PLPPR1: variants seen among roughly 807,000 people sequenced by gnomAD.
PLPPR1 encodes the protein phospholipid phosphatase related 1, also known as phospholipid phosphatase-related protein type 1.
PLPPR1 carries 10 observed loss-of-function variants against 33.1 expected under a neutral mutation model. The ratio of observed to expected loss-of-function variants is 0.30; its 90% CI spans 0.19 to 0.51. PLPPR1 has a LOEUF of 0.51. Ranked by LOEUF, PLPPR1 falls within the 20% of genes least tolerant of loss-of-function variation. PLPPR1 has a pLI of 0.97. For synonymous variants in PLPPR1, 151 were observed against 151.0 expected (o/e 1.00, Z 0.00); for missense variants, 304 against 408.1 (o/e 0.74, Z 2.20).
intron 1 of PLPPR1, among the ~76,000 whole-genome samples, chr9:101,091,502 A>G (rs1028687256): frequency 6.6e-6 from 1 of 152,088 alleles, no homozygotes; most frequent in African/African-American, 2.4e-5. Context: ...AAACCCAGCA[A>G]GTTCAGCCTA....
At chr9:101,205,722 T>C (rs968465071) in intron 2 of PLPPR1, among the ~76,000 whole-genome samples, 17 of 152,216 alleles carry the variant, frequency 1.1e-4, no homozygotes, top group Non-Finnish European at 2.2e-4. Context: ...ATTTATTAAA[T>C]ACCTACTTAT....
At chr9:101,068,899 C>T (rs1564135569) in intron 1 of PLPPR1, among the ~76,000 whole-genome samples, 1 of 152,100 alleles carries the variant, frequency 6.6e-6, no homozygotes. Flanking sequence ...AGGGCTCTGT[C>T]TGCTGAAAGA....
At chr9:101,047,807 C>G (rs74687770) in intron 1 of PLPPR1, among the ~76,000 whole-genome samples, 1 of 152,142 alleles carries the variant, frequency 6.6e-6, no homozygotes, top group Non-Finnish European at 1.5e-5. Context: ...AAACAGTAGT[C>G]TGTTTTGAAT....
At chr9:101,086,952 G>A (rs1049146943) in intron 1 of PLPPR1, among the ~76,000 whole-genome samples, 3 of 152,134 alleles carry the variant, frequency 2.0e-5, no homozygotes, top group African/African-American at 7.2e-5. Flanking sequence ...GCCAAGGAGG[G>A]TGGATCACTT....
intron 2 of PLPPR1, among the ~76,000 whole-genome samples, chr9:101,215,004 C>A: frequency 7.3e-6 from 1 of 136,402 alleles, no homozygotes; most frequent in African/African-American, 2.8e-5. Context: ...GCCTGGGTGA[C>A]AGAGTAAGAC....
rs370089362 is a variant in PLPPR1 at position 101,299,448 on chromosome 9, T to G, written c.386-9763T>G. On this transcript the variant is annotated intron_variant, in intron 4 of 7. Transcript: ENST00000374874. Reference sequence around the variant, plus strand: ...TTGCTTGGGTCTCAAGAAATTGTGATGAGGTTACTTTTGGTTCCTCTGCTC... The same window carrying G: ...TTGCTTGGGTCTCAAGAAATTGTGAGGAGGTTACTTTTGGTTCCTCTGCTC... Among the ~76,000 whole-genome samples, 68 of 152,322 alleles carry G rather than the reference T, an allele frequency of 4.5e-4. No individual in the cohort carries two copies. The South Asian group carries it at 8.5e-3, about 19-fold the overall frequency.
At chr9:101,296,980 A>G (rs1185227884) in intron 4 of PLPPR1, among the ~76,000 whole-genome samples, 1 of 152,116 alleles carries the variant, frequency 6.6e-6, no homozygotes, top group African/African-American at 2.4e-5. Context: ...AACACTATGA[A>G]TCCATAATTG....
chr9:101,239,052 T>C (rs1285105326), intron 2 of PLPPR1, among the ~76,000 whole-genome samples: 9 of 124,148 alleles, frequency 7.2e-5, no homozygotes, highest in Non-Finnish European at 1.8e-5. Context: ...AATAGCTGAA[T>C]TTCATTGAGT....
At chr9:101,223,148 CAA>C (rs869205435) in intron 2 of PLPPR1, among the ~76,000 whole-genome samples, 6 of 23,714 alleles carry the variant, frequency 2.5e-4, no homozygotes, top group African/African-American at 5.7e-4. Context: ...CCCATCTCTA[CAA>C]AAAAAAAAAA....
Position 101,167,141 on chromosome 9 carries a change from G to GGGGTGTGTGTGTGTGTGTGT in PLPPR1, c.-45-18308_-45-18307insGGTGTGTGTGTGTGTGTGTG, listed in dbSNP as rs1297322438. ...TGCTGTCTCTGTCTTTATGTCTCTC[G>GGGGTGTGTGTGTGTGTGTGT]GTGTGTGTGTGTGTGTGTGTGTGTG... On this transcript the variant is annotated intron_variant, in intron 1 of 7. Transcript: ENST00000374874. Among the ~76,000 whole-genome samples the GGGGTGTGTGTGTGTGTGTGT allele has an allele frequency of 3.3e-3, 133 of 39,744 alleles. 4 individuals are homozygous for GGGGTGTGTGTGTGTGTGTGT. The highest frequency in any genetic ancestry group is 0.026 in the Middle Eastern group (1 of 38). 26.1% of individuals were successfully genotyped at this position (39,744 alleles called of 152,430 possible). A position where few individuals can be genotyped will look rare whatever the true frequency, so the allele number is the denominator to read the frequency against.
At chr9:101,307,749 A>G (rs1694827316) in intron 4 of PLPPR1, among the ~76,000 whole-genome samples, 1 of 152,256 alleles carries the variant, frequency 6.6e-6, no homozygotes, top group Non-Finnish European at 1.5e-5. Context: ...TTGCAGATTC[A>G]GAACACTGAA....
intron 1 of PLPPR1, among the ~76,000 whole-genome samples, chr9:101,129,079 C>G (rs1463369969): frequency 6.6e-6 from 1 of 151,902 alleles, no homozygotes; most frequent in Non-Finnish European, 1.5e-5. Context: ...TTATTGTCTC[C>G]CCAGGTAGAT....
At chr9:101,294,494 A>G (rs1206407521) in intron 4 of PLPPR1, among the ~76,000 whole-genome samples, 3 of 152,208 alleles carry the variant, frequency 2.0e-5, no homozygotes, top group Non-Finnish European at 4.4e-5. Context: ...GCACAGACAC[A>G]ACAAAAAAAG....
chr9:101,202,631 G>T (rs1258918186), intron 2 of PLPPR1, among the ~76,000 whole-genome samples: 1 of 152,158 alleles, frequency 6.6e-6, no homozygotes, highest in Non-Finnish European at 1.5e-5. Context: ...AGAGAGCACA[G>T]AAATGGAAAA....
At chr9:101,320,144 A>G (rs555558748) in intron 7 of PLPPR1, among the ~76,000 whole-genome samples, 29 of 152,220 alleles carry the variant, frequency 1.9e-4, no homozygotes, top group Non-Finnish European at 3.8e-4. Flanking sequence ...ATATTAATTC[A>G]TTGTTTACAG....
chr9:101,072,119 C>T (rs1216781815), intron 1 of PLPPR1, among the ~76,000 whole-genome samples: 1 of 152,052 alleles, frequency 6.6e-6, no homozygotes, highest in Non-Finnish European at 1.5e-5. Context: ...AGTTAGATAG[C>T]CTATTTACTG....
chr9:101,253,050 AC>A (rs1163686238), intron 2 of PLPPR1, among the ~76,000 whole-genome samples: 1 of 152,092 alleles, frequency 6.6e-6, no homozygotes, highest in Non-Finnish European at 1.5e-5. Context: ...TTTAAATAGA[AC>A]TTTATTATAT....
intron 2 of PLPPR1, among the ~76,000 whole-genome samples, chr9:101,229,535 G>A (rs1827140328): frequency 6.6e-6 from 1 of 151,684 alleles, no homozygotes; most frequent in Non-Finnish European, 1.5e-5. Flanking sequence ...TATTTTCTAG[G>A]CATATTTTAT....
At chr9:101,267,034 G>A (rs1399380094) in intron 2 of PLPPR1, among the ~76,000 whole-genome samples, 2 of 152,118 alleles carry the variant, frequency 1.3e-5, no homozygotes, top group Non-Finnish European at 2.9e-5. Flanking sequence ...AGCCAAGAGA[G>A]ACAAAATTGT....
Sources: allele counts gnomAD v4.1 joint callset (sites outside exome capture counted in the v4.1 genomes callset), GRCh38; gene constraint gnomAD v4.1.1; transcripts MANE v1.5; gene names NCBI Gene and HGNC (gene_info 2026-07-23, HGNC 2026-07-21).